SLC27A6: variants seen among roughly 807,000 people sequenced by gnomAD.
SLC27A6 encodes the protein solute carrier family 27 member 6, also known as long-chain fatty acid transport protein 6.
SLC27A6 carries 74 observed loss-of-function variants against 63.9 expected under a neutral mutation model. The observed-to-expected ratio is 1.16, with a 90% CI of 0.96 to 1.40. SLC27A6 has a LOEUF of 1.40. Ranked by LOEUF, SLC27A6 falls within the 40% of genes most tolerant of loss-of-function variation. The probability of loss-of-function intolerance (pLI) is 0.00; values close to 1 mark genes in which losing one functional copy is unlikely to be tolerated. For synonymous variants in SLC27A6, 287 were observed against 260.8 expected (o/e 1.10, Z -0.97); for missense variants, 794 against 732.9 (o/e 1.08, Z -0.96).
chr5:129,019,669 G>GA (rs1158604253), intron 5 of SLC27A6, among the ~76,000 whole-genome samples: 1 of 151,104 alleles, frequency 6.6e-6, no homozygotes, highest in Non-Finnish European at 1.5e-5. Context: ...TCAGCTCAAA[G>GA]AAAAAAATAG....
At chr5:129,012,022 G>A (rs188079704) in intron 4 of SLC27A6, among the ~76,000 whole-genome samples, 39 of 151,666 alleles carry the variant, frequency 2.6e-4, no homozygotes, top group African/African-American at 8.0e-4. Flanking sequence ...ATAGTTTGGT[G>A]TAAGTATATG....
rs147964184 is a variant in SLC27A6, at chr5:128,990,410, G to C, written c.915G>C (p.Val305=). 41 of 1,613,796 alleles carry C rather than the reference G, an allele frequency of 2.5e-5. No individual in the cohort carries two copies. The highest frequency in any genetic ancestry group is 3.3e-5 in the Non-Finnish European group (39 of 1,179,896). ...QFWSDCKKYD[V]TVFQYIGELC... Reference sequence around the variant, plus strand: ...GGAGTGACTGCAAGAAGTATGATGTGACTGTGTTTCAGTATATTGGAGAAC... The same window carrying C: ...GGAGTGACTGCAAGAAGTATGATGTCACTGTGTTTCAGTATATTGGAGAAC... Residue 305 remains valine, a synonymous_variant, in exon 4 of 10, where the codon GTG becomes GTC. Transcript: ENST00000262462.
chr5:129,032,728 T>C (rs1360237210), intron 9 of SLC27A6, among the ~76,000 whole-genome samples: 3 of 152,030 alleles, frequency 2.0e-5, no homozygotes, highest in Non-Finnish European at 2.9e-5. Context: ...GATTTGTGTG[T>C]ACCTGTAGTA....
At position 128,984,572 on chromosome 5, in the gene SLC27A6, T is replaced by C. The variant is rs576140176; in HGVS notation, c.482-561T>C. 7.9e-5 allele frequency among the ~76,000 whole-genome samples: 12 copies of C among 152,312 alleles called. No homozygotes were observed. The South Asian group carries it at 2.5e-3, about 32-fold the overall frequency. On this transcript the variant is annotated intron_variant, in intron 1 of 9. Transcript: ENST00000262462. ...TGTGAATTGTAAACATTGTACCCAA[T>C]AGGTAATTTCTCAGTCTTCACCTCT... is the stretch of plus-strand genomic sequence containing the variant.
intron 1 of SLC27A6, among the ~76,000 whole-genome samples, chr5:128,972,082 A>T (rs1305557857): frequency 6.6e-6 from 1 of 152,102 alleles, no homozygotes; most frequent in Non-Finnish European, 1.5e-5. Flanking sequence ...AGAATGTTGA[A>T]TATTGGCCCC....
At chr5:128,976,803 A>G (rs891919060) in intron 1 of SLC27A6, among the ~76,000 whole-genome samples, 1 of 152,258 alleles carries the variant, frequency 6.6e-6, no homozygotes, top group Non-Finnish European at 1.5e-5. Flanking sequence ...GCTTCAAAAT[A>G]TGTTGAACAG....
At chr5:128,976,480 C>T (rs1459321713) in intron 1 of SLC27A6, among the ~76,000 whole-genome samples, 2 of 152,208 alleles carry the variant, frequency 1.3e-5, no homozygotes. Context: ...TGCCATTGCA[C>T]TCCAGCCTAG....
chr5:128,979,053 G>A (rs1301713288), intron 1 of SLC27A6, among the ~76,000 whole-genome samples: 1 of 151,804 alleles, frequency 6.6e-6, no homozygotes, highest in African/African-American at 2.4e-5. Flanking sequence ...AGTCTTGTGT[G>A]AATTAAATGT....
At chr5:129,000,384 C>T (rs974099161) in intron 4 of SLC27A6, among the ~76,000 whole-genome samples, 2 of 152,074 alleles carry the variant, frequency 1.3e-5, no homozygotes, top group Admixed American at 1.3e-4. Context: ...AGTAGATCCT[C>T]AACAAAATTT....
Position 128,968,710 on chromosome 5 carries a change from G to T in SLC27A6, c.481+2092G>T, listed in dbSNP as rs1750010677. 2.0e-5 allele frequency among the ~76,000 whole-genome samples: 3 copies of T among 152,022 alleles called. No individual in the cohort carries two copies. The South Asian group carries it at 6.2e-4, about 31-fold the overall frequency. ...TGTAAAAATTTTCTCCCATTCTATAGGTTGCCTGTTCACTCTGATGGCAGT... is the reference window on the plus strand; with the variant it reads ...TGTAAAAATTTTCTCCCATTCTATATGTTGCCTGTTCACTCTGATGGCAGT... On this transcript the variant is annotated intron_variant, in intron 1 of 9. Coordinates refer to ENST00000262462, the MANE Select transcript of SLC27A6 (RefSeq NM_001017372.3).
intron 4 of SLC27A6, among the ~76,000 whole-genome samples, 159 bp downstream of exon 4, chr5:128,990,623 C>T (rs1316445388): frequency 5.9e-5 from 9 of 151,934 alleles, no homozygotes; most frequent in African/African-American, 1.7e-4. Flanking sequence ...TAGATGGTGG[C>T]GGGCAGCTCC....
intron 2 of SLC27A6, 138 bp from the exon 3 acceptor site, chr5:128,988,462 T>C (rs895280565): frequency 4.7e-6 from 3 of 634,310 alleles, no homozygotes; most frequent in Non-Finnish European, 7.8e-6. Flanking sequence ...TTTGATATAT[T>C]TTCTGTCAAT....
At chr5:129,021,795 T>A (rs1752084784) in intron 5 of SLC27A6, among the ~76,000 whole-genome samples, 1 of 152,220 alleles carries the variant, frequency 6.6e-6, no homozygotes, top group African/African-American at 2.4e-5. Flanking sequence ...CTGTGATATA[T>A]TTAATTGCGT....
chr5:128,990,896 C>G (rs2150136838), intron 4 of SLC27A6, among the ~76,000 whole-genome samples: 1 of 152,304 alleles, frequency 6.6e-6, no homozygotes, highest in East Asian at 1.9e-4. Context: ...AGAGCAGACA[C>G]CCTGCTGGAT....
chr5:128,996,287 T>C (rs930351061), intron 4 of SLC27A6, among the ~76,000 whole-genome samples: 1 of 151,806 alleles, frequency 6.6e-6, no homozygotes, highest in Non-Finnish European at 1.5e-5. Flanking sequence ...AGTCTATACT[T>C]ATTAGGAATG....
intron 1 of SLC27A6, among the ~76,000 whole-genome samples, chr5:128,978,861 T>C (rs1750481857): frequency 6.6e-6 from 1 of 152,154 alleles, no homozygotes; most frequent in Admixed American, 6.5e-5. Context: ...CTATTGTACC[T>C]TTTCTAAGTT....
rs199665504 is a variant in SLC27A6, at chr5:129,015,924, G to A, written c.1009G>A (p.Gly337Arg). The A allele has an allele frequency of 2.2e-5, 35 of 1,598,874 alleles. No homozygotes were observed. In the Admixed American group the frequency reaches 5.3e-4, roughly 24 times the overall value. ...GGATCATAAGGTGCGTTTGGCAATT[G>A]GAAATGGCATACGGAGTGATGTATG... is the stretch of plus-strand genomic sequence containing the variant. ...EKDHKVRLAI[G>R]NGIRSDVWRE... is the part of the protein sequence containing the mutation. Residue 337 changes from glycine (G) to arginine (R), a missense_variant, in exon 5 of 10, where the codon GGA becomes AGA. Gly to Arg is a moderately radical substitution (Grantham distance 125). Transcript: ENST00000262462.
chr5:128,989,795 G>C (rs1750914128), intron 3 of SLC27A6, among the ~76,000 whole-genome samples: 2 of 151,890 alleles, frequency 1.3e-5, no homozygotes. Flanking sequence ...GTGGTGGCAG[G>C]CACCTGTAGT....
intron 1 of SLC27A6, among the ~76,000 whole-genome samples, chr5:128,974,900 A>T (rs1750324097): frequency 6.6e-6 from 1 of 152,236 alleles, no homozygotes; most frequent in Admixed American, 6.5e-5. Context: ...TACTAAGTAG[A>T]TCTTATTGTA....
Sources: gnomAD v4.1 joint callset for allele counts (sites outside exome capture counted in the v4.1 genomes callset) on GRCh38, gnomAD v4.1.1 for gene constraint, MANE v1.5 for transcripts, NCBI Gene and HGNC (gene_info 2026-07-23, HGNC 2026-07-21) for gene names.